Variants in INSRR observed in about 807,000 individuals in gnomAD.
INSRR encodes insulin receptor-related protein.
In INSRR, 114 loss-of-function variants were observed where a neutral mutation model predicts 130.0. That is an observed-to-expected ratio of 0.88 (90% CI 0.75 to 1.02). The LOEUF (loss-of-function observed/expected upper bound fraction) is 1.02. INSRR is among the 50% of genes least tolerant of loss of function. The probability of loss-of-function intolerance (pLI) is 0.00; values close to 1 mark genes in which losing one functional copy is unlikely to be tolerated. For missense variants in INSRR, 1,657 were observed against 1,735.2 expected (o/e 0.95, Z 0.80); for synonymous variants, 674 against 705.2 (o/e 0.96, Z 0.70).
intron 7 of INSRR, among the ~76,000 whole-genome samples, chr1:156,848,385 C>G (rs1449966401): frequency 6.6e-6 from 1 of 152,218 alleles, no homozygotes; most frequent in African/African-American, 2.4e-5. Context: ...AAGGATATCT[C>G]CTTTTGATTC....
In INSRR at chr1:156,854,112, T is replaced by C; in HGVS notation, c.277A>G (p.Ser93Gly). ...LLLFRVYGLE[S>G]LRDLFPNLAV... ...AGGTTGGGGAAGAGGTCGCGCAGGC[T>C]CTCCAGTCCGTAGACACGGAAGAGC... Residue 93 changes from serine (S) to glycine (G), a missense_variant, in exon 2 of 22, where the codon AGC (serine) becomes GGC (glycine). Ser to Gly is a moderately conservative substitution (Grantham distance 56). Coordinates refer to ENST00000368195, the MANE Select transcript of INSRR (RefSeq NM_014215.3). This position sits in a 1 kb window ranked among gnomAD's most constrained non-coding sequence, Gnocchi z 4.2. 6.2e-7 allele frequency: 1 copy of C among 1,614,056 alleles called. No individual in the cohort carries two copies. Among genetic ancestry groups the C allele is most frequent in the Non-Finnish European group, 8.5e-7 (1 of 1,180,028 alleles).
intron 15 of INSRR, 96 bp downstream of exon 15, chr1:156,844,079 C>G: frequency 1.2e-6 from 1 of 859,500 alleles, no homozygotes; most frequent in Admixed American, 2.1e-5. Flanking sequence ...TATGGAAGAC[C>G]TGTCTTTCTA....
chr1:156,851,250 G>T (rs193238909), intron 5 of INSRR, 40 bp downstream of exon 5: 1 of 1,611,238 alleles, frequency 6.2e-7, no homozygotes, highest in Admixed American at 1.7e-5. Flanking sequence ...TTGGAGGAAG[G>T]AGTGTAATAG....
intron 3 of INSRR, 47 bp downstream of exon 3, chr1:156,851,841 G>T (rs779892442): frequency 6.3e-7 from 1 of 1,580,002 alleles, no homozygotes; most frequent in South Asian, 1.2e-5. Flanking sequence ...GGCCTCCTCA[G>T]GCCTCCTCAC....
At chr1:156,841,561 C>A (rs753787252) in intron 20 of INSRR, 33 bp from the exon 21 acceptor site, 13 of 1,613,754 alleles carry the variant, frequency 8.1e-6, no homozygotes, top group Non-Finnish European at 1.1e-5. Context: ...GAGCCCAGCA[C>A]CCTTCGTGCT....
chr1:156,856,996 C>T (rs549425291), intron 1 of INSRR, among the ~76,000 whole-genome samples: 5 of 152,244 alleles, frequency 3.3e-5, no homozygotes, highest in African/African-American at 4.8e-5. Flanking sequence ...CCGAGCCCTC[C>T]GGTGTTATCA....
In INSRR at chr1:156,858,601, C is replaced by T. The variant is rs747138774; in HGVS notation, c.21G>A (p.Trp7Ter). The stretch of plus-strand genomic sequence containing the variant: ...TCACAGGCAGGCATGCTCCCCAGGG[C>T]CACAGACTAGGCACTGCCATTGTCC... Reference protein sequence around the residue: MAVPSLWPWGACLPVIF... With the variant: MAVPSL The change falls in exon 1 of 22, where the codon TGG (tryptophan) becomes TGA (stop). Residue 7 changes from tryptophan to a stop codon, truncating the protein, a stop_gained. Coordinates refer to ENST00000368195, the MANE Select transcript of INSRR (RefSeq NM_014215.3). LOFTEE classifies it high-confidence loss of function. 1.9e-6 allele frequency: 3 copies of T among 1,614,082 alleles called. No individual in the cohort carries two copies. Among genetic ancestry groups the T allele is most frequent in the Non-Finnish European group, 2.5e-6 (3 of 1,179,998 alleles).
chr1:156,843,310 T>C (rs1373280773), intron 16 of INSRR, 77 bp from the exon 17 acceptor site: 2 of 1,565,310 alleles, frequency 1.3e-6, no homozygotes, highest in Non-Finnish European at 8.8e-7. Flanking sequence ...TCTTCTCCTC[T>C]TCTGAAGGGC....
intron 5 of INSRR, among the ~76,000 whole-genome samples, chr1:156,850,423 G>A (rs796643640): frequency 5.9e-5 from 9 of 151,998 alleles, no homozygotes; most frequent in African/African-American, 2.2e-4. Flanking sequence ...TGTTGGCCAG[G>A]CTGGTCTTGA....
chr1:156,846,841 G>A (rs2102860360), intron 7 of INSRR, 84 bp from the exon 8 acceptor site: 2 of 1,114,076 alleles, frequency 1.8e-6, no homozygotes, highest in East Asian at 4.8e-5. Context: ...CCCCAGGACT[G>A]TCATTGTCCT....
In INSRR at chr1:156,841,109, T is replaced by C. The variant is rs373122172; in HGVS notation, c.3663-5A>G. ...CAGCGGCTCATCAGCTCCTGCCTGG[T>C]GGGTGTGGGGAGCAGGGTCAGAGGC... On this transcript the variant is annotated splice_region_variant and splice_polypyrimidine_tract_variant and intron_variant, in intron 21 of 21. Transcript: ENST00000368195. 6.6e-4 allele frequency: 1,021 copies of C among 1,553,406 alleles called. 7 individuals are homozygous for C. In the African/African-American group the frequency reaches 0.012, roughly 19 times the overall value.
chr1:156,842,526 C>T lies in INSRR; in HGVS notation c.3127-18G>A. The T allele has an allele frequency of 6.3e-7, 1 of 1,593,714 alleles. No individual in the cohort carries two copies. Among genetic ancestry groups the T allele is most frequent in the Non-Finnish European group, 8.6e-7 (1 of 1,161,576 alleles). ...AGACGCACCTGGGACAGACAAAGGG[C>T]CTAGCAGACCCCCTAGTTCCCCTTG... On this transcript the variant is annotated intron_variant, in intron 17 of 21. Transcript: ENST00000368195.
In INSRR at chr1:156,843,224, G is replaced by A. The variant is rs150810462; in HGVS notation, c.2906C>T (p.Pro969Leu). The stretch of plus-strand genomic sequence containing the variant: ...CTCCCGAGGCACCTCCCATTCATCA[G>A]GGACATACACTGCAAGGAGGTGGAG... ...EYFSASDMYV[P>L]DEWEVPREQI... Residue 969 changes from proline (P) to leucine (L), a missense_variant, in exon 17 of 22, where the codon CCT (proline) becomes CTT (leucine). By Grantham distance (98) the Pro-to-Leu change is moderately conservative. Coordinates refer to ENST00000368195, the MANE Select transcript of INSRR (RefSeq NM_014215.3). 16 of 1,613,924 alleles carry A rather than the reference G, an allele frequency of 9.9e-6. No individual in the cohort carries two copies. The African/African-American group carries it at 2.1e-4, about 22-fold the overall frequency.
Position 156,845,776 on chromosome 1 carries a change from C to G in INSRR, c.2017G>C (p.Asp673His), listed in dbSNP as rs548347934. The G allele has an allele frequency of 3.7e-6, 6 of 1,613,122 alleles. No homozygotes were observed. In the East Asian group the frequency reaches 6.7e-5, roughly 18 times the overall value. The change falls in exon 10 of 22, where the codon GAC becomes CAC. Residue 673 changes from aspartate to histidine, a missense_variant. Coordinates refer to ENST00000368195, the MANE Select transcript of INSRR (RefSeq NM_014215.3). ...GCCTCAGGATCCCCGTCTTCGCCGT[C>G]GAAGCGCGGATCGTTGTTGCTGGTG... ...LPTSNNDPRF[D>H]GEDGDPEAEM...
In INSRR at chr1:156,845,236, A is replaced by T. The variant is rs1354617256; in HGVS notation, c.2277T>A (p.Asp759Glu). 2 of 1,610,706 alleles carry T rather than the reference A, an allele frequency of 1.2e-6. No individual in the cohort carries two copies. The highest frequency in any genetic ancestry group is 1.1e-5 in the South Asian group (1 of 90,552). ...GPLRLGGNSSDFEIQEDKVPR... is the reference protein window; with the variant it reads ...GPLRLGGNSSEFEIQEDKVPR... ...GCACCTTGTCCTCCTGGATCTCGAAATCCGAGCTGTTGCCCCCCAGCCGGA... is the reference window on the plus strand; with the variant it reads ...GCACCTTGTCCTCCTGGATCTCGAATTCCGAGCTGTTGCCCCCCAGCCGGA... The change falls in exon 12 of 22, where the codon GAT becomes GAA. Residue 759 changes from aspartate (D) to glutamate (E), a missense_variant. Physicochemically the swap from Asp to Glu is conservative, Grantham distance 45. Coordinates refer to ENST00000368195, the MANE Select transcript of INSRR (RefSeq NM_014215.3).
rs1655211669 is a variant in INSRR, at chr1:156,851,627, C to T, written c.1084+19G>A. On this transcript the variant is annotated intron_variant, in intron 4 of 21. Coordinates refer to ENST00000368195, the MANE Select transcript of INSRR (RefSeq NM_014215.3). ...GGTATGACCAGGAGGAGGGGTGTGGCCCCAAAGTAGGTACTGACAGCCCTG... is the reference window on the plus strand; with the variant it reads ...GGTATGACCAGGAGGAGGGGTGTGGTCCCAAAGTAGGTACTGACAGCCCTG... 5 of 1,614,086 alleles carry T rather than the reference C, an allele frequency of 3.1e-6. No individual in the cohort carries two copies. Among genetic ancestry groups the T allele is most frequent in the South Asian group, 2.2e-5 (2 of 91,074 alleles).
In INSRR at chr1:156,849,746, AGCACCT is replaced by A. The variant is rs143167807; in HGVS notation, c.1230-292_1230-287del. Reference sequence around the variant, plus strand: ...CCTTCCCTCGACTCTCTTTGAACTGAGCACCTGCTATGTGCCAGACTCTGGAGGCTT... The same window carrying A: ...CCTTCCCTCGACTCTCTTTGAACTGAGCTATGTGCCAGACTCTGGAGGCTT... On this transcript the variant is annotated intron_variant, in intron 5 of 21. Transcript: ENST00000368195. Among the ~76,000 whole-genome samples the A allele has an allele frequency of 7.0e-3, 1,064 of 151,928 alleles. 9 individuals are homozygous for A. The highest frequency in any genetic ancestry group is 0.011 in the Non-Finnish European group (755 of 67,950).
At chr1:156,842,804 C>T (rs1356052945) in intron 17 of INSRR, among the ~76,000 whole-genome samples, 200 bp downstream of exon 17, 1 of 152,180 alleles carries the variant, frequency 6.6e-6, no homozygotes, top group Admixed American at 6.5e-5. Context: ...GATCTCAGCC[C>T]TAGCCATGAC....
chr1:156,849,099 G>T (rs762823505), intron 6 of INSRR, 52 bp from the exon 7 acceptor site: 19 of 1,600,202 alleles, frequency 1.2e-5, no homozygotes, highest in Admixed American at 1.7e-5. Flanking sequence ...CTGCTTGAGC[G>T]CCCACCCTGA....
Sources: gnomAD v4.1 joint callset for allele counts (sites outside exome capture counted in the v4.1 genomes callset) on GRCh38, gnomAD v4.1.1 for gene constraint, Gnocchi (gnomAD v3.1) non-coding constraint, MANE v1.5 for transcripts, NCBI Gene and HGNC (gene_info 2026-07-23, HGNC 2026-07-21) for gene names.